Variants in B4GALNT3 observed in about 807,000 individuals in gnomAD.
B4GALNT3 encodes beta-1,4-N-acetyl-galactosaminyltransferase 3, also known as beta-1,4-N-acetylgalactosaminyltransferase 3.
In B4GALNT3, 86 loss-of-function variants were observed where a neutral mutation model predicts 120.2. That is an observed-to-expected ratio of 0.72 (90% CI 0.60 to 0.86). The LOEUF is 0.86. Among genes scored for constraint, B4GALNT3 ranks in the 40% least tolerant of loss-of-function variants. B4GALNT3 has a pLI of 0.00. For missense variants in B4GALNT3, 1,167 were observed against 1,298.9 expected, an observed-to-expected ratio of 0.90 and a Z score of 1.56; for synonymous variants, 518 against 510.4, an observed-to-expected ratio of 1.01 and a Z score of -0.20.
chr12:483,689 C>G (rs949359040), intron 1 of B4GALNT3, among the ~76,000 whole-genome samples: 2 of 152,204 alleles, frequency 1.3e-5, no homozygotes, highest in Non-Finnish European at 2.9e-5. Flanking sequence ...CATAGTGAGA[C>G]CCTGTCCCCC....
At position 553,348 on chromosome 12, in the gene B4GALNT3, G is replaced by T; in HGVS notation, c.1425G>T (p.Leu475=). 1 of 1,613,780 alleles carries T rather than the reference G, an allele frequency of 6.2e-7. No homozygotes were observed. Among genetic ancestry groups the T allele is most frequent in the South Asian group, 1.1e-5 (1 of 91,092 alleles). The part of the protein sequence containing the change: ...QDATDYRLRS[L]RKLLAQPREG... ...CCACTGACTACCGCCTCCGAAGCCT[G>T]CGGAAACTCCTGGCTCAGCCCCGGG... The change falls in exon 14 of 20, where the codon CTG becomes CTT. Residue 475 remains leucine, a synonymous_variant. Coordinates refer to ENST00000266383, the MANE Select transcript of B4GALNT3 (RefSeq NM_173593.4).
Position 460,411 on chromosome 12 carries a change from T to G in B4GALNT3, c.35T>G (p.Leu12Arg). The part of the protein sequence containing the change: ...GSPRAARPPL[L>R]LRPVKLLRRR... ...CCCCGGGCCGCGCGGCCCCCGCTGC[T>G]CCTGCGCCCGGTGAAGCTGCTGCGG... Residue 12 changes from leucine to arginine, a missense_variant, in exon 1 of 20, where the codon CTC becomes CGC. By Grantham distance (102) the Leu-to-Arg change is moderately radical. Transcript: ENST00000266383. This position sits in a 1 kb window ranked among gnomAD's most constrained non-coding sequence, Gnocchi z 8.0. 1 of 1,521,698 alleles carries G rather than the reference T, an allele frequency of 6.6e-7. No individual in the cohort carries two copies. The highest frequency in any genetic ancestry group is 1.4e-5 in the African/African-American group (1 of 70,330). The allele number at this position is 1,521,698 out of a possible 1,614,324, so 94.3% of individuals were successfully genotyped here.
intron 1 of B4GALNT3, among the ~76,000 whole-genome samples, chr12:487,529 ATGGTGAAACCTGGTTTC>A (rs1946300823): frequency 6.6e-6 from 1 of 151,996 alleles, no homozygotes; most frequent in Non-Finnish European, 1.5e-5. Flanking sequence ...CCTGGCCAAC[ATGGTGAAACCTGGTTTC>A]TACTAAAAAT....
At chr12:496,669 C>T (rs1946391694) in intron 1 of B4GALNT3, among the ~76,000 whole-genome samples, 1 of 152,154 alleles carries the variant, frequency 6.6e-6, no homozygotes, top group Non-Finnish European at 1.5e-5. Flanking sequence ...ACCACCGTCA[C>T]CTCTGTCTAG....
intron 1 of B4GALNT3, among the ~76,000 whole-genome samples, chr12:513,151 TTCCA>T (rs1946614680): frequency 8.0e-6 from 1 of 125,560 alleles, no homozygotes; most frequent in Admixed American, 7.7e-5. Flanking sequence ...ACCTTCGACC[TTCCA>T]CCTTCCACCT....
intron 1 of B4GALNT3, among the ~76,000 whole-genome samples, chr12:492,510 G>A (rs1355830889): frequency 6.6e-6 from 1 of 152,152 alleles, no homozygotes; most frequent in Non-Finnish European, 1.5e-5. Context: ...TGAACAGGAA[G>A]AATCGATATT....
chr12:553,655 A>G lies in B4GALNT3; in HGVS notation c.1732A>G (p.Met578Val), dbSNP rs753555258. 6.2e-7 allele frequency: 1 copy of G among 1,614,034 alleles called. No homozygotes were observed. Among genetic ancestry groups the G allele is most frequent in the South Asian group, 1.1e-5 (1 of 91,086 alleles). Residue 578 changes from methionine (M) to valine (V), a missense_variant, in exon 14 of 20, where the codon ATG becomes GTG. This residue lies in a region of B4GALNT3 where 983 missense variants were observed against 1,102.5 expected (regional missense o/e 0.89). Transcript: ENST00000266383. ...CGCAGAGCAGAGACGGGGTGACAGG[A>G]TGCGGCCTCAGGCCCCTGGAAGGGG... Reference protein sequence around the residue: ...YIAEQRRGDRMRPQAPGRGWH... With the variant: ...YIAEQRRGDRVRPQAPGRGWH...
In B4GALNT3 at chr12:550,581, A is replaced by G. The variant is rs924178177; in HGVS notation, c.998-341A>G. ...CTGACGCTAAGGGGATGTTCAGCCC[A>G]TGGTAGGAAATCCAGTTATCGGTAC... On this transcript the variant is annotated intron_variant, in intron 10 of 19. Transcript: ENST00000266383. The surrounding 1 kb of genome is among the most constrained non-coding windows in gnomAD (Gnocchi z 4.1). 3.3e-5 allele frequency among the ~76,000 whole-genome samples: 5 copies of G among 152,316 alleles called. No individual in the cohort carries two copies. Among genetic ancestry groups the G allele is most frequent in the East Asian group, 1.9e-4 (1 of 5,182 alleles).
intron 6 of B4GALNT3, among the ~76,000 whole-genome samples, chr12:545,688 G>GAT (rs1946988254): frequency 7.0e-6 from 1 of 143,188 alleles, no homozygotes; most frequent in African/African-American, 2.6e-5. Context: ...GGAGGAGCGA[G>GAT]GTGTGGGGAG....
At chr12:561,086 C>G (rs1339590746) in intron 19 of B4GALNT3, among the ~76,000 whole-genome samples, 1 of 152,202 alleles carries the variant, frequency 6.6e-6, no homozygotes, top group African/African-American at 2.4e-5. Flanking sequence ...CTATATCACA[C>G]ATTATCCTCT....
intron 1 of B4GALNT3, among the ~76,000 whole-genome samples, chr12:528,432 A>G (rs1427880235): frequency 6.6e-6 from 1 of 152,242 alleles, no homozygotes; most frequent in East Asian, 1.9e-4. Flanking sequence ...TTCACTTAAT[A>G]TACATATAAC....
intron 1 of B4GALNT3, among the ~76,000 whole-genome samples, chr12:510,344 T>A (rs1946533577): frequency 6.6e-6 from 1 of 151,942 alleles, no homozygotes; most frequent in South Asian, 2.1e-4. Flanking sequence ...TTGTGTCAAC[T>A]CTTTGAGGGG....
rs1348143440 is a variant in B4GALNT3, at chr12:477,566, TGA to T, written c.169+17024_169+17025del. 2.6e-5 allele frequency among the ~76,000 whole-genome samples: 4 copies of T among 152,236 alleles called. No individual in the cohort carries two copies. The East Asian group carries it at 7.7e-4, about 29-fold the overall frequency. The stretch of plus-strand genomic sequence containing the variant: ...GTTCCTTTGTTGCACACTCCCGTCC[TGA>T]GAAACGGAACCCATTCCAGTGTACA... On this transcript the variant is annotated intron_variant, in intron 1 of 19. Coordinates refer to ENST00000266383, the MANE Select transcript of B4GALNT3 (RefSeq NM_173593.4).
intron 14 of B4GALNT3, among the ~76,000 whole-genome samples, 189 bp downstream of exon 14, chr12:554,172 G>A (rs1409829606): frequency 6.6e-6 from 1 of 152,224 alleles, no homozygotes; most frequent in Non-Finnish European, 1.5e-5. Context: ...ATCTTGACCA[G>A]GCAGGTGTTT....
At chr12:555,791 A>AT (rs34470902) in intron 14 of B4GALNT3, among the ~76,000 whole-genome samples, 19,858 of 147,750 alleles carry the variant, frequency 0.13, 1,706 homozygotes, top group Admixed American at 0.28. Flanking sequence ...ATTTTTATTT[A>AT]TTTTTTTTTT....
At chr12:525,096 T>TTATTTATTTATGTATG (rs1021309654) in intron 1 of B4GALNT3, among the ~76,000 whole-genome samples, 4 of 151,280 alleles carry the variant, frequency 2.6e-5, no homozygotes, top group Admixed American at 2.0e-4. Flanking sequence ...TTTTATTTAT[T>TTATTTATTTATGTATG]TATTTATTTA....
At chr12:518,993 T>C (rs1946682747) in intron 1 of B4GALNT3, among the ~76,000 whole-genome samples, 1 of 152,240 alleles carries the variant, frequency 6.6e-6, no homozygotes, top group South Asian at 2.1e-4. Flanking sequence ...TTAAAGTCTC[T>C]TTTAAAGCTT....
At chr12:510,820 A>C (rs1246882431) in intron 1 of B4GALNT3, among the ~76,000 whole-genome samples, 1 of 152,028 alleles carries the variant, frequency 6.6e-6, no homozygotes, top group African/African-American at 2.4e-5. Flanking sequence ...TCAGATTCTC[A>C]GTGCCCATCT....
At position 460,858 on chromosome 12, in the gene B4GALNT3, C is replaced by A. The variant is rs1455884804; in HGVS notation, c.169+313C>A. Among the ~76,000 whole-genome samples, 1 of 152,076 alleles carries A rather than the reference C, an allele frequency of 6.6e-6. No individual in the cohort carries two copies. Among genetic ancestry groups the A allele is most frequent in the Non-Finnish European group, 1.5e-5 (1 of 67,980 alleles). ...CCCGCCCGTCCCGCCGAGACGCTGG[C>A]GGAGACCGGGCCCCTCCAGCCGCTC... On this transcript the variant is annotated intron_variant, in intron 1 of 19. Transcript: ENST00000266383. The surrounding 1 kb of genome is among the most constrained non-coding windows in gnomAD (Gnocchi z 8.0).
Sources: allele counts gnomAD v4.1 joint callset (sites outside exome capture counted in the v4.1 genomes callset), GRCh38; gene constraint gnomAD v4.1.1; regional missense constraint gnomAD v4.1.1; non-coding constraint Gnocchi (gnomAD v3.1); transcripts MANE v1.5; gene names NCBI Gene and HGNC (gene_info 2026-07-23, HGNC 2026-07-21).